The following NAV1 variants were observed in gnomAD, a reference collection of about 807,000 sequenced individuals.
NAV1 encodes the protein pore membrane and/or filament interacting like protein 3.
NAV1 carries 18 observed loss-of-function variants against 175.2 expected under a neutral mutation model. That is an observed-to-expected ratio of 0.10 (90% CI 0.07 to 0.15). The LOEUF is 0.15. NAV1 is among the 10% of genes least tolerant of loss of function. The pLI is 1.00. For synonymous variants in NAV1, 897 were observed against 978.7 expected, an observed-to-expected ratio of 0.92 and a Z score of 1.56; for missense variants, 1,731 against 2,436.6, an observed-to-expected ratio of 0.71 and a Z score of 6.10.
intron 11 of NAV1, 131 bp from the exon 16 acceptor site, chr1:201,790,423 T>C (rs761951237): frequency 1.0e-6 from 1 of 1,000,830 alleles, no homozygotes; most frequent in Non-Finnish European, 1.5e-6. Context: ...AAACAAGAGT[T>C]TCAGCCTCTC....
chr1:201,552,658 C>T (rs554317563), intron 1 of NAV1, among the ~76,000 whole-genome samples: 2 of 152,308 alleles, frequency 1.3e-5, no homozygotes, highest in African/African-American at 4.8e-5. Context: ...TAAGCACCCT[C>T]TGGCCTAGAG....
At chr1:201,790,845 T>C (rs1677068362) in intron 13 of NAV1, 79 bp downstream of exon 17, 2 of 1,439,218 alleles carry the variant, frequency 1.4e-6, no homozygotes, top group Non-Finnish European at 2.0e-6. Context: ...GGAGGAAAAC[T>C]ACCTGGTAAG....
chr1:201,566,930 A>T (rs1036090763), intron 1 of NAV1, among the ~76,000 whole-genome samples: 1 of 152,052 alleles, frequency 6.6e-6, no homozygotes, highest in Non-Finnish European at 1.5e-5. Context: ...ACATCATTTT[A>T]AATATTATTT....
intron 1 of NAV1, among the ~76,000 whole-genome samples, chr1:201,588,306 C>T (rs973651734): frequency 6.6e-6 from 1 of 152,148 alleles, no homozygotes; most frequent in African/African-American, 2.4e-5. Context: ...AAAAGCCATA[C>T]ACAAAAGCCC....
chr1:201,554,618 C>T (rs1665958838), intron 1 of NAV1, among the ~76,000 whole-genome samples: 1 of 152,202 alleles, frequency 6.6e-6, no homozygotes, highest in Non-Finnish European at 1.5e-5. Context: ...AGGGACACAA[C>T]AGAGAGCAGA....
chr1:201,691,381 G>A (rs1670934659), intron 1 of NAV1, among the ~76,000 whole-genome samples: 1 of 138,694 alleles, frequency 7.2e-6, no homozygotes, highest in African/African-American at 2.8e-5. Context: ...GTGGTCTGAG[G>A]TTTAGGAAGC....
At position 201,747,184 on chromosome 1, in the gene NAV1, G is replaced by A. The variant is rs570916856; in HGVS notation, c.1226+28429G>A. Among the ~76,000 whole-genome samples, 12 of 152,222 alleles carry A rather than the reference G, an allele frequency of 7.9e-5. No homozygotes were observed. In the South Asian group the frequency reaches 1.7e-3, roughly 21 times the overall value. ...CCCATCCCACTCTGTCATCTTCACC[G>A]TCCTCCTGGGCCCCCATTCTCGTGG... On this transcript the variant is annotated intron_variant, in intron 3 of 29. Transcript: ENST00000367296.
chr1:201,550,997 C>T (rs1382179254), intron 1 of NAV1, among the ~76,000 whole-genome samples: 3 of 152,240 alleles, frequency 2.0e-5, no homozygotes, highest in Non-Finnish European at 4.4e-5. Flanking sequence ...TGCTGAATGA[C>T]TTCATATCCA....
chr1:201,648,288 G>A (rs1210672316), exon 1 of NAV1: 2 of 1,093,228 alleles, frequency 1.8e-6, no homozygotes, highest in African/African-American at 3.3e-5. Context: ...GCTGGGATCC[G>A]GACACCAAAG....
chr1:201,710,609 T>C lies in NAV1; in HGVS notation c.758-2208T>C, dbSNP rs567092591. Among the ~76,000 whole-genome samples the C allele has an allele frequency of 3.9e-5, 6 of 152,312 alleles. No homozygotes were observed. The East Asian group carries it at 9.6e-4, about 24-fold the overall frequency. On this transcript the variant is annotated intron_variant, in intron 1 of 29. Transcript: ENST00000367296. ...AGCCTAAGCGCCTCCTATACAACAG[T>C]CACCATGCTTGATGCTAGTGGTGCA... is the stretch of plus-strand genomic sequence containing the variant.
exon 1 of NAV1, chr1:201,648,250 A>G (rs1336669782): frequency 9.7e-7 from 1 of 1,026,948 alleles, no homozygotes; most frequent in Non-Finnish European, 1.2e-6. Context: ...TGCGGTGTCC[A>G]CGGGACTGAC....
At chr1:201,723,004 G>A (rs373127878) in intron 3 of NAV1, among the ~76,000 whole-genome samples, 5 of 152,298 alleles carry the variant, frequency 3.3e-5, no homozygotes, top group South Asian at 2.1e-4. Context: ...CCAGCTATTC[G>A]GGAGGCTGAC....
rs191727096 is a variant in NAV1 at position 201,765,472 on chromosome 1, G to T, written c.1227-14949G>T. On this transcript the variant is annotated intron_variant, in intron 3 of 29. Coordinates refer to ENST00000367296, the Ensembl canonical transcript of NAV1. ...TGTAGTGGTGCCATCTCAGCTTACTGCAACCTCTGCCTCCCAATCTCAAGC... is the reference window on the plus strand; with the variant it reads ...TGTAGTGGTGCCATCTCAGCTTACTTCAACCTCTGCCTCCCAATCTCAAGC... Among the ~76,000 whole-genome samples, 213 of 135,890 alleles carry T rather than the reference G, an allele frequency of 1.6e-3. 1 individual carries two copies. The highest frequency in any genetic ancestry group is 0.012 in the Admixed American group (144 of 11,844). 89.1% of individuals were successfully genotyped at this position (135,890 alleles called of 152,430 possible). A position where few individuals can be genotyped will look rare whatever the true frequency, so the allele number is the denominator to read the frequency against.
At chr1:201,730,559 G>C (rs941593903) in intron 3 of NAV1, among the ~76,000 whole-genome samples, 5 of 152,154 alleles carry the variant, frequency 3.3e-5, no homozygotes, top group South Asian at 4.1e-4. Flanking sequence ...CTCTCTCTCT[G>C]TTTCCCCTCG....
At chr1:201,658,744 A>T (rs1669500750) in intron 1 of NAV1, among the ~76,000 whole-genome samples, 1 of 152,240 alleles carries the variant, frequency 6.6e-6, no homozygotes, top group South Asian at 2.1e-4. Context: ...GATGTTGCTG[A>T]TCGATGAGAT....
intron 15 of NAV1, chr1:201,798,225 G>A (rs1246311708): frequency 6.6e-6 from 1 of 152,052 alleles, no homozygotes; most frequent in Non-Finnish European, 1.5e-5. Context: ...TCACTACCCT[G>A]GCTCAGGTTT....
At chr1:201,541,270 T>C (rs6670020) in intron 1 of NAV1, among the ~76,000 whole-genome samples, 27,389 of 152,132 alleles carry the variant, frequency 0.18, 3,212 homozygotes, top group East Asian at 0.53. Context: ...CTAATAGAAT[T>C]GGGGAGAAAA....
intron 15 of NAV1, among the ~76,000 whole-genome samples, chr1:201,799,083 A>T (rs1276505584): frequency 6.6e-6 from 1 of 152,038 alleles, no homozygotes; most frequent in Non-Finnish European, 1.5e-5. Context: ...TTCAAAAAAA[A>T]GAAAAAAAGA....
intron 1 of NAV1, among the ~76,000 whole-genome samples, chr1:201,677,867 C>T (rs1413560549): frequency 6.6e-6 from 1 of 152,074 alleles, no homozygotes; most frequent in Non-Finnish European, 1.5e-5. Context: ...TGAGCTCAAG[C>T]AGTTTGCCCA....
Sources: gnomAD v4.1 joint callset for allele counts (sites outside exome capture counted in the v4.1 genomes callset) on GRCh38, gnomAD v4.1.1 for gene constraint, MANE v1.5 for transcripts, NCBI Gene and HGNC (gene_info 2026-07-23, HGNC 2026-07-21) for gene names.